UBE2D4: variants seen among roughly 807,000 people sequenced by gnomAD.
UBE2D4 encodes ubiquitin-conjugating enzyme E2 D4.
In UBE2D4, 17 loss-of-function variants were observed where a neutral mutation model predicts 23.0. The observed-to-expected ratio is 0.74, with a 90% confidence interval of 0.51 to 1.11. The LOEUF (loss-of-function observed/expected upper bound fraction) is 1.11, where lower values mean the gene tolerates loss of function less well. Ranked by LOEUF, UBE2D4 falls within the 50% of genes least tolerant of loss-of-function variation. The probability of loss-of-function intolerance (pLI) is 0.00; values close to 1 mark genes in which losing one functional copy is unlikely to be tolerated. For synonymous variants in UBE2D4, 61 were observed against 69.4 expected (o/e 0.88, Z 0.60); for missense variants, 139 against 181.8 (o/e 0.76, Z 1.35).
chr7:43,933,618 T>C (rs2095951966), intron 1 of UBE2D4, among the ~76,000 whole-genome samples: 1 of 152,066 alleles, frequency 6.6e-6, no homozygotes, highest in African/African-American at 2.4e-5. Context: ...TGCGTTCCTG[T>C]AATCAGTCCC....
rs769784590 is a variant in UBE2D4, at chr7:43,942,812, CTTTTG to C, written c.89-7_89-3del. 22 of 1,614,066 alleles carry C rather than the reference CTTTTG, an allele frequency of 1.4e-5. No homozygotes were observed. Among genetic ancestry groups the C allele is most frequent in the Non-Finnish European group, 1.7e-5 (20 of 1,180,042 alleles). ...GGGGGTCTCTTACATGCCCGTCTCT[CTTTTG>C]TTTTGTAGTGTTCCACTGGCAGGCC... is the stretch of plus-strand genomic sequence containing the variant. On this transcript the variant is annotated splice_polypyrimidine_tract_variant and intron_variant, in intron 2 of 6. Coordinates refer to ENST00000222402, the MANE Select transcript of UBE2D4 (RefSeq NM_015983.4).
Position 43,954,048 on chromosome 7 carries a change from C to G in UBE2D4, c.*1353C>G, listed in dbSNP as rs905625660. On this transcript the variant is annotated 3_prime_UTR_variant, in exon 7 of 7. Transcript: ENST00000222402. ...GAGGTTGATTTCTTCCAGAAACTTCCAAGTTGTGGCTACAAATTTATTGCC... is the reference window on the plus strand; with the variant it reads ...GAGGTTGATTTCTTCCAGAAACTTCGAAGTTGTGGCTACAAATTTATTGCC... The G allele has an allele frequency of 6.6e-6, 1 of 152,146 alleles. No individual in the cohort carries two copies. The allele number at this position is 152,146 out of a possible 1,614,324, so 9.4% of individuals were successfully genotyped here.
chr7:43,936,958 CA>C (rs2095960046), intron 1 of UBE2D4, among the ~76,000 whole-genome samples: 1 of 152,178 alleles, frequency 6.6e-6, no homozygotes, highest in Admixed American at 6.6e-5. Flanking sequence ...TCTTTCAAGT[CA>C]CACCATTCTT....
At chr7:43,940,112 T>G (rs145893585) in intron 2 of UBE2D4, among the ~76,000 whole-genome samples, 3 of 152,348 alleles carry the variant, frequency 2.0e-5, no homozygotes, top group East Asian at 3.9e-4. Flanking sequence ...GGGAGGGGAC[T>G]GAGCTTAGAG....
chr7:43,941,935 C>T (rs1029322004), intron 2 of UBE2D4: 1 of 151,974 alleles, frequency 6.6e-6, no homozygotes, highest in African/African-American at 2.4e-5. Context: ...TTAATCTTGT[C>T]CCCAAAAGAT....
intron 1 of UBE2D4, among the ~76,000 whole-genome samples, chr7:43,934,470 A>G (rs1271188139): frequency 9.9e-6 from 1 of 101,290 alleles, no homozygotes; most frequent in African/African-American, 4.3e-5. Flanking sequence ...TTTTTTTTGT[A>G]TTCATGAATG....
In UBE2D4 at chr7:43,944,472, A is replaced by G. The variant is rs2095981033; in HGVS notation, c.198+1441A>G. ...TACCTTGACTTGGCCTTGATGCCTC[A>G]ATTTGAGTCAGAGGCTTAGCTGCTG... On this transcript the variant is annotated intron_variant, in intron 4 of 6. Coordinates refer to ENST00000222402, the MANE Select transcript of UBE2D4 (RefSeq NM_015983.4). This position sits in a 1 kb window ranked among gnomAD's most constrained non-coding sequence, Gnocchi z 4.0. 6.6e-6 allele frequency: 1 copy of G among 152,200 alleles called. No individual in the cohort carries two copies. Among genetic ancestry groups the G allele is most frequent in the African/African-American group, 2.4e-5 (1 of 41,430 alleles). 9.4% of individuals were successfully genotyped at this position (152,200 alleles called of 1,614,324 possible).
At position 43,926,486 on chromosome 7, in the gene UBE2D4, T is replaced by TCAGGCAGCCCCGGC; in HGVS notation, c.-45_-32dup. The TCAGGCAGCCCCGGC allele has an allele frequency of 6.9e-7, 1 of 1,458,556 alleles. No individual in the cohort carries two copies. Among genetic ancestry groups the TCAGGCAGCCCCGGC allele is most frequent in the Non-Finnish European group, 9.1e-7 (1 of 1,099,852 alleles). 90.4% of individuals were successfully genotyped at this position (1,458,556 alleles called of 1,614,324 possible). ...GCGGCTGAGCCGGCAGCGGGCCGCC[T>TCAGGCAGCCCCGGC]CAGGCAGCCCCGGCCGGGCCGCCCG... On this transcript the variant is annotated 5_prime_UTR_variant, in exon 1 of 7. Coordinates refer to ENST00000222402, the MANE Select transcript of UBE2D4 (RefSeq NM_015983.4).
chr7:43,932,467 T>C (rs2095948070), intron 1 of UBE2D4, among the ~76,000 whole-genome samples: 1 of 152,182 alleles, frequency 6.6e-6, no homozygotes, highest in Non-Finnish European at 1.5e-5. Flanking sequence ...TTAACACATA[T>C]ATTTTGCAAT....
chr7:43,938,156 T>G (rs2095962675), intron 1 of UBE2D4, among the ~76,000 whole-genome samples: 1 of 152,094 alleles, frequency 6.6e-6, no homozygotes, highest in Admixed American at 6.5e-5. Context: ...GTGACTGACT[T>G]CTTGCCCTGC....
At chr7:43,942,385 TC>T (rs1662393641) in intron 2 of UBE2D4, 1 of 213,266 alleles carries the variant, frequency 4.7e-6, no homozygotes. Context: ...GAGCCTGAGA[TC>T]AGTCCTATGG....
rs560856634 is a variant in UBE2D4, at chr7:43,952,916, T to C, written c.*221T>C. On this transcript the variant is annotated 3_prime_UTR_variant, in exon 7 of 7. Coordinates refer to ENST00000222402, the MANE Select transcript of UBE2D4 (RefSeq NM_015983.4). ...TTGATGCCAAATCAGCAACCATTGT[T>C]GTTATGATCTGCAGTCTTCCTGGTG... 2.4e-5 allele frequency: 12 copies of C among 497,780 alleles called. No individual in the cohort carries two copies. Among genetic ancestry groups the C allele is most frequent in the African/African-American group, 1.8e-4 (9 of 51,338 alleles). 30.8% of individuals were successfully genotyped at this position (497,780 alleles called of 1,614,324 possible). A position where few individuals can be genotyped will look rare whatever the true frequency, so the allele number is the denominator to read the frequency against.
At chr7:43,949,964 C>T (rs1471328847) in intron 5 of UBE2D4, among the ~76,000 whole-genome samples, 1 of 152,180 alleles carries the variant, frequency 6.6e-6, no homozygotes, top group Non-Finnish European at 1.5e-5. Context: ...AAGAGATTCT[C>T]CTGCCTCAGC....
In UBE2D4 at chr7:43,953,220, C is replaced by T. The variant is rs1174032078; in HGVS notation, c.*525C>T. On this transcript the variant is annotated 3_prime_UTR_variant, in exon 7 of 7. Coordinates refer to ENST00000222402, the MANE Select transcript of UBE2D4 (RefSeq NM_015983.4). ...TCCTGGAGGGAATTGGGAACAGTGT[C>T]ACTGGGAAGTGAAGGCCTAGCCCTG... 1.1e-5 allele frequency: 5 copies of T among 456,582 alleles called. No individual in the cohort carries two copies. The highest frequency in any genetic ancestry group is 2.2e-5 in the Non-Finnish European group (5 of 226,980). The allele number at this position is 456,582 out of a possible 1,614,324, so 28.3% of individuals were successfully genotyped here. A position where few individuals can be genotyped will look rare whatever the true frequency, so the allele number is the denominator to read the frequency against.
intron 2 of UBE2D4, among the ~76,000 whole-genome samples, chr7:43,940,239 G>A (rs2095968416): frequency 6.6e-6 from 1 of 152,160 alleles, no homozygotes; most frequent in Non-Finnish European, 1.5e-5. Flanking sequence ...CCTATGCAGA[G>A]TGTAAGAAAC....
chr7:43,927,622 A>G (rs913632567), intron 1 of UBE2D4, among the ~76,000 whole-genome samples: 1 of 152,190 alleles, frequency 6.6e-6, no homozygotes, highest in Non-Finnish European at 1.5e-5. Flanking sequence ...AATTTTTAAC[A>G]TTAACTTTCC....
At chr7:43,938,032 C>G (rs1029305327) in intron 1 of UBE2D4, among the ~76,000 whole-genome samples, 2 of 152,034 alleles carry the variant, frequency 1.3e-5, no homozygotes, top group Non-Finnish European at 2.9e-5. Context: ...TATCCTTCTC[C>G]CAGAACTCTC....
At position 43,944,545 on chromosome 7, in the gene UBE2D4, C is replaced by G. The variant is rs1163039575; in HGVS notation, c.198+1514C>G. The G allele has an allele frequency of 6.6e-6, 1 of 152,248 alleles. No individual in the cohort carries two copies. Among genetic ancestry groups the G allele is most frequent in the Non-Finnish European group, 1.5e-5 (1 of 68,054 alleles). 9.4% of individuals were successfully genotyped at this position (152,248 alleles called of 1,614,324 possible). A position where few individuals can be genotyped will look rare whatever the true frequency, so the allele number is the denominator to read the frequency against. ...TCAATGTGAAGAAGCCCCTTCTGTG[C>G]TCACCAGCTGCAGCTCTGTCCAGAC... On this transcript the variant is annotated intron_variant, in intron 4 of 6. Coordinates refer to ENST00000222402, the MANE Select transcript of UBE2D4 (RefSeq NM_015983.4). This position sits in a 1 kb window ranked among gnomAD's most constrained non-coding sequence, Gnocchi z 4.0.
intron 5 of UBE2D4, among the ~76,000 whole-genome samples, chr7:43,949,894 G>T (rs2095997874): frequency 6.6e-6 from 1 of 151,942 alleles, no homozygotes; most frequent in Non-Finnish European, 1.5e-5. Flanking sequence ...TGCTCTTGTT[G>T]CCCAGGGTGG....
Sources: allele counts gnomAD v4.1 joint callset (sites outside exome capture counted in the v4.1 genomes callset), GRCh38; gene constraint gnomAD v4.1.1; non-coding constraint Gnocchi (gnomAD v3.1); transcripts MANE v1.5; gene names NCBI Gene and HGNC (gene_info 2026-07-23, HGNC 2026-07-21).